Variants in PKD2 observed in about 807,000 individuals in gnomAD.
The protein encoded by PKD2 is polycystin 2, transient receptor potential cation channel.
A neutral mutation model predicts 105.9 loss-of-function variants in PKD2; 48 were observed. The ratio of observed to expected loss-of-function variants is 0.45; its 90% CI spans 0.36 to 0.58. The LOEUF (loss-of-function observed/expected upper bound fraction) is 0.58. Among genes scored for constraint, PKD2 ranks in the 20% least tolerant of loss-of-function variants. PKD2 has a pLI of 0.00. For synonymous variants in PKD2, 464 were observed against 481.1 expected, an observed-to-expected ratio of 0.96 and a Z score of 0.46; for missense variants, 1,078 against 1,255.3, an observed-to-expected ratio of 0.86 and a Z score of 2.13.
intron 1 of PKD2, among the ~76,000 whole-genome samples, chr4:88,013,443 G>A (rs1313702269): frequency 6.6e-6 from 1 of 152,196 alleles, no homozygotes; most frequent in Non-Finnish European, 1.5e-5. Flanking sequence ...AGGCACAGCC[G>A]CTCATGCCTA....
In PKD2 at chr4:88,057,522, G is replaced by A. The variant is rs555146469; in HGVS notation, c.1899-461G>A. Among the ~76,000 whole-genome samples the A allele has an allele frequency of 2.7e-5, 4 of 146,918 alleles. No individual in the cohort carries two copies. In the South Asian group the frequency reaches 8.5e-4, roughly 31 times the overall value. ...GTAATCTCAGCTCACTGCAACCTCT[G>A]CCTCCCGGGTTCAAGCGATTCTCCT... is the stretch of plus-strand genomic sequence containing the variant. On this transcript the variant is annotated intron_variant, in intron 8 of 14. Coordinates refer to ENST00000237596, the MANE Select transcript of PKD2 (RefSeq NM_000297.4).
intron 4 of PKD2, among the ~76,000 whole-genome samples, chr4:88,040,046 A>G (rs1328530696): frequency 6.6e-6 from 1 of 152,196 alleles, no homozygotes; most frequent in Non-Finnish European, 1.5e-5. Context: ...TGTGCCAGAC[A>G]TTATTTAAGA....
intron 5 of PKD2, among the ~76,000 whole-genome samples, chr4:88,045,549 T>G (rs966432418): frequency 2.6e-5 from 4 of 152,196 alleles, no homozygotes; most frequent in Admixed American, 2.6e-4. Context: ...TAAAGGGCTT[T>G]TAAATGTCTC....
At chr4:88,036,075 GA>G (rs1196913509) in intron 2 of PKD2, 144 bp from the exon 3 acceptor site, 1 of 1,191,552 alleles carries the variant, frequency 8.4e-7, no homozygotes, top group Non-Finnish European at 1.2e-6. Context: ...AATGATAGGG[GA>G]AAGGAAGGCA....
At chr4:88,058,845 G>A (rs1467894294) in intron 9 of PKD2, among the ~76,000 whole-genome samples, 2 of 151,950 alleles carry the variant, frequency 1.3e-5, no homozygotes, top group East Asian at 1.9e-4. Context: ...AAGGTGTTTT[G>A]TTCTTTTTCT....
At chr4:88,063,272 C>A (rs1228519826) in intron 10 of PKD2, among the ~76,000 whole-genome samples, 1 of 152,198 alleles carries the variant, frequency 6.6e-6, no homozygotes, top group African/African-American at 2.4e-5. Context: ...AGAATGGGTG[C>A]AGTGGCTCAC....
intron 5 of PKD2, among the ~76,000 whole-genome samples, chr4:88,045,164 G>C (rs1727721500): frequency 6.6e-6 from 1 of 152,180 alleles, no homozygotes; most frequent in Admixed American, 6.5e-5. Flanking sequence ...TCTCTATACT[G>C]TTTTTCTAAG....
At position 88,036,357 on chromosome 4, in the gene PKD2, T is replaced by A; in HGVS notation, c.843+4T>A. The stretch of plus-strand genomic sequence containing the variant: ...TTCCATGGAAGACTTCTGGAAGGTA[T>A]TTGCAAATAACTTTGAAAGTACCTC... On this transcript the variant is annotated splice_donor_region_variant and intron_variant, in intron 3 of 14. Transcript: ENST00000237596. 1 of 1,612,302 alleles carries A rather than the reference T, an allele frequency of 6.2e-7. No homozygotes were observed. The highest frequency in any genetic ancestry group is 8.5e-7 in the Non-Finnish European group (1 of 1,178,348).
chr4:88,062,599 G>C (rs1241773294), intron 10 of PKD2, among the ~76,000 whole-genome samples: 2 of 152,142 alleles, frequency 1.3e-5, no homozygotes, highest in African/African-American at 2.4e-5. Flanking sequence ...GGGCCTCTTT[G>C]TTCTTCTCAA....
chr4:88,063,417 G>A (rs1320999772), intron 10 of PKD2, among the ~76,000 whole-genome samples: 1 of 152,066 alleles, frequency 6.6e-6, no homozygotes, highest in Non-Finnish European at 1.5e-5. Context: ...TGTAATCCCA[G>A]CTACTGGGGA....
chr4:88,016,397 A>G (rs1181235852), intron 1 of PKD2, among the ~76,000 whole-genome samples: 2 of 152,238 alleles, frequency 1.3e-5, no homozygotes, highest in African/African-American at 4.8e-5. Context: ...GCTATGGGAA[A>G]GACAACAGTT....
chr4:88,062,559 T>C (rs1720615116), intron 10 of PKD2, among the ~76,000 whole-genome samples: 1 of 152,214 alleles, frequency 6.6e-6, no homozygotes. Context: ...AGGGTTTCAT[T>C]GTTAAATAGA....
rs1177292708 is a variant in PKD2 at position 88,065,354 on chromosome 4, A to AT, written c.2119-14dup. The AT allele has an allele frequency of 6.2e-7, 1 of 1,608,486 alleles. No individual in the cohort carries two copies. Among genetic ancestry groups the AT allele is most frequent in the Admixed American group, 1.7e-5 (1 of 59,986 alleles). On this transcript the variant is annotated intron_variant, in intron 10 of 14. Coordinates refer to ENST00000237596, the MANE Select transcript of PKD2 (RefSeq NM_000297.4). ...GAGAATACACTAAACCAAGTCTTTT[A>AT]TTTTTTCTCTCTCTGATAGGGCTAC...
At chr4:88,027,974 T>TCA (rs1239398017) in intron 2 of PKD2, among the ~76,000 whole-genome samples, 1 of 152,236 alleles carries the variant, frequency 6.6e-6, no homozygotes, top group Non-Finnish European at 1.5e-5. Flanking sequence ...CTGCCTATTC[T>TCA]CAGGCAGTTC....
At chr4:88,068,449 G>A (rs550686280) in intron 13 of PKD2, among the ~76,000 whole-genome samples, 6 of 148,954 alleles carry the variant, frequency 4.0e-5, no homozygotes, top group South Asian at 4.3e-4. Flanking sequence ...CAGCCTGGGC[G>A]ACAGTGCAAG....
intron 5 of PKD2, among the ~76,000 whole-genome samples, chr4:88,044,340 A>G: frequency 6.7e-6 from 1 of 150,296 alleles, no homozygotes; most frequent in African/African-American, 2.4e-5. Context: ...AAACATCACT[A>G]ACATGGATTA....
chr4:88,037,653 A>G (rs1016281723), intron 3 of PKD2, among the ~76,000 whole-genome samples: 2 of 152,204 alleles, frequency 1.3e-5, no homozygotes, highest in South Asian at 4.1e-4. Context: ...TCATCTGACA[A>G]GGATAGCACA....
intron 13 of PKD2, among the ~76,000 whole-genome samples, chr4:88,069,966 A>G (rs1208015333): frequency 6.6e-6 from 1 of 152,212 alleles, no homozygotes; most frequent in Non-Finnish European, 1.5e-5. Context: ...AGAAATGTAC[A>G]TATATACTAT....
chr4:88,047,012 CTAAT>C (rs1479429697), intron 6 of PKD2, 142 bp downstream of exon 6: 6 of 697,618 alleles, frequency 8.6e-6, no homozygotes, highest in African/African-American at 3.6e-5. Context: ...ACTTCTGTTA[CTAAT>C]TATTTTCTCA....
Sources: gnomAD v4.1 joint callset for allele counts (sites outside exome capture counted in the v4.1 genomes callset) on GRCh38, gnomAD v4.1.1 for gene constraint, MANE v1.5 for transcripts, NCBI Gene and HGNC (gene_info 2026-07-23, HGNC 2026-07-21) for gene names.